Variants in FILIP1L observed in about 807,000 individuals in gnomAD.
FILIP1L encodes the protein filamin A interacting protein 1 like.
FILIP1L carries 55 observed loss-of-function variants against 96.6 expected under a neutral mutation model. That is an observed-to-expected ratio of 0.57 (90% CI 0.46 to 0.71). The LOEUF (loss-of-function observed/expected upper bound fraction) is 0.71. FILIP1L is among the 30% of genes least tolerant of loss of function. The probability of loss-of-function intolerance (pLI) is 0.00; values close to 1 mark genes in which losing one functional copy is unlikely to be tolerated. For missense variants in FILIP1L, 1,304 were observed against 1,321.2 expected, an observed-to-expected ratio of 0.99 and a Z score of 0.20; for synonymous variants, 467 against 473.9, an observed-to-expected ratio of 0.99 and a Z score of 0.19.
chr3:99,902,759 A>G (rs1706477980), intron 4 of FILIP1L, among the ~76,000 whole-genome samples: 1 of 152,182 alleles, frequency 6.6e-6, no homozygotes, highest in Non-Finnish European at 1.5e-5. Context: ...CTACTATTCT[A>G]GTTGCCTGTC....
At chr3:99,846,184 A>G (rs967841530) in intron 5 of FILIP1L, among the ~76,000 whole-genome samples, 10 of 152,174 alleles carry the variant, frequency 6.6e-5, no homozygotes, top group Admixed American at 5.9e-4. Context: ...GGGACAGCCA[A>G]GAGGAACCTG....
intron 4 of FILIP1L, among the ~76,000 whole-genome samples, chr3:99,919,194 A>T (rs1707047749): frequency 6.6e-6 from 1 of 152,054 alleles, no homozygotes; most frequent in African/African-American, 2.4e-5. Flanking sequence ...CTTTAGTTTA[A>T]TGTGTTTATT....
At position 99,980,026 on chromosome 3, in the gene FILIP1L, G is replaced by T. The variant is rs191691695; in HGVS notation, c.-10-48996C>A. Among the ~76,000 whole-genome samples the T allele has an allele frequency of 3.1e-3, 471 of 151,948 alleles. 4 individuals are homozygous for T. Among genetic ancestry groups the T allele is most frequent in the African/African-American group, 0.011 (445 of 41,556 alleles). ...GGACAGAAATTATTAAAGCAGCACT[G>T]GGGGGAAAGAATTCTAAGCAAAGAT... On this transcript the variant is annotated intron_variant, in intron 1 of 5. Transcript: ENST00000477258.
At chr3:99,993,121 T>C (rs771198602) in intron 1 of FILIP1L, among the ~76,000 whole-genome samples, 2 of 152,098 alleles carry the variant, frequency 1.3e-5, no homozygotes, top group Non-Finnish European at 2.9e-5. Context: ...TCTTTTTGCT[T>C]AGGATTTCTT....
chr3:100,083,727 A>T (rs2065965594), intron 1 of FILIP1L, among the ~76,000 whole-genome samples: 1 of 152,136 alleles, frequency 6.6e-6, no homozygotes, highest in Non-Finnish European at 1.5e-5. Flanking sequence ...AATTTTTAAC[A>T]TCACCATTTC....
chr3:99,859,496 T>C (rs780241843), intron 4 of FILIP1L, among the ~76,000 whole-genome samples: 3 of 152,248 alleles, frequency 2.0e-5, no homozygotes, highest in Non-Finnish European at 2.9e-5. Context: ...GTTTAATACA[T>C]TACTTTTTCT....
In FILIP1L at chr3:99,891,106, G is replaced by A. The variant is rs192053214; in HGVS notation, c.605+33124C>T. Among the ~76,000 whole-genome samples the A allele has an allele frequency of 4.6e-5, 7 of 150,868 alleles. No homozygotes were observed. The South Asian group carries it at 6.3e-4, about 14-fold the overall frequency. ...AGTTAGTATGAATCTGCAAATTCTCGTGTGGGCTAGCTTGTTAGTATACCT... is the reference window on the plus strand; with the variant it reads ...AGTTAGTATGAATCTGCAAATTCTCATGTGGGCTAGCTTGTTAGTATACCT... On this transcript the variant is annotated intron_variant, in intron 4 of 5. Transcript: ENST00000477258.
At chr3:99,929,066 C>T (rs1452438021) in intron 3 of FILIP1L, among the ~76,000 whole-genome samples, 1 of 152,230 alleles carries the variant, frequency 6.6e-6, no homozygotes, top group Non-Finnish European at 1.5e-5. Context: ...TGCTTTCACT[C>T]TCCAGCCTCA....
intron 4 of FILIP1L, among the ~76,000 whole-genome samples, chr3:99,882,311 G>T (rs542815040): frequency 2.6e-5 from 4 of 152,238 alleles, no homozygotes; most frequent in African/African-American, 9.6e-5. Flanking sequence ...GCTTCTAATT[G>T]TAAAATCCTT....
chr3:99,880,247 TC>T (rs919193708), intron 4 of FILIP1L, among the ~76,000 whole-genome samples: 16 of 152,154 alleles, frequency 1.1e-4, no homozygotes, highest in African/African-American at 3.9e-4. Flanking sequence ...CACTCTTCTT[TC>T]AGTTCTTTGG....
chr3:100,042,909 A>G (rs1377803087), intron 1 of FILIP1L, among the ~76,000 whole-genome samples: 2 of 152,366 alleles, frequency 1.3e-5, no homozygotes, highest in South Asian at 2.1e-4. Flanking sequence ...ACTAGGGCAA[A>G]TGTAACAAGT....
intron 1 of FILIP1L, among the ~76,000 whole-genome samples, chr3:99,952,950 G>T (rs1196161005): frequency 6.6e-6 from 1 of 152,162 alleles, no homozygotes; most frequent in Non-Finnish European, 1.5e-5. Context: ...AAATAACCCA[G>T]AATATAGCCT....
intron 1 of FILIP1L, among the ~76,000 whole-genome samples, chr3:100,044,573 G>A (rs1246954690): frequency 6.6e-6 from 1 of 152,166 alleles, no homozygotes; most frequent in Admixed American, 6.5e-5. Flanking sequence ...AGAGCCCAGT[G>A]AAAGAGAGGG....
At chr3:99,983,444 ATGTATATATATATATGTG>A (rs1709209126) in intron 1 of FILIP1L, among the ~76,000 whole-genome samples, 9 of 30,020 alleles carry the variant, frequency 3.0e-4, no homozygotes, top group East Asian at 1.1e-3. Context: ...ATATATATGT[ATGTATATATATATATGTG>A]TGTATATATA....
intron 4 of FILIP1L, among the ~76,000 whole-genome samples, chr3:99,875,514 C>T (rs910625387): frequency 2.0e-5 from 3 of 152,142 alleles, no homozygotes; most frequent in Admixed American, 6.5e-5. Flanking sequence ...TATGCTTTTA[C>T]GACAAAATAG....
At chr3:99,858,634 C>T (rs1944092151) in intron 4 of FILIP1L, among the ~76,000 whole-genome samples, 1 of 152,192 alleles carries the variant, frequency 6.6e-6, no homozygotes. Flanking sequence ...TTGAAGACAG[C>T]TGTATCCTCA....
chr3:99,911,881 G>C (rs574593006), intron 4 of FILIP1L, among the ~76,000 whole-genome samples: 1 of 152,050 alleles, frequency 6.6e-6, no homozygotes, highest in Admixed American at 6.5e-5. Flanking sequence ...TGAAAGAATG[G>C]ATAACAAATA....
chr3:100,026,701 G>A (rs2107246945), intron 1 of FILIP1L, among the ~76,000 whole-genome samples: 1 of 152,146 alleles, frequency 6.6e-6, no homozygotes, highest in African/African-American at 2.4e-5. Context: ...AATATATTCA[G>A]AATCTGATCA....
chr3:99,963,826 C>G (rs1708565399), intron 1 of FILIP1L, among the ~76,000 whole-genome samples: 1 of 152,070 alleles, frequency 6.6e-6, no homozygotes, highest in Non-Finnish European at 1.5e-5. Flanking sequence ...CCATGTTGGC[C>G]AAGCTGGTCT....
Sources: allele counts gnomAD v4.1 joint callset (sites outside exome capture counted in the v4.1 genomes callset), GRCh38; gene constraint gnomAD v4.1.1; transcripts MANE v1.5; gene names NCBI Gene and HGNC (gene_info 2026-07-23, HGNC 2026-07-21).